Variants in WDR7 observed in about 807,000 individuals in gnomAD.
WDR7 encodes the protein WD repeat-containing protein 7.
WDR7 carries 46 observed loss-of-function variants against 169.4 expected under a neutral mutation model. The ratio of observed to expected loss-of-function variants is 0.27; its 90% CI spans 0.21 to 0.35. The LOEUF is 0.35. Ranked by LOEUF, WDR7 falls within the 10% of genes least tolerant of loss-of-function variation. WDR7 has a pLI of 1.00. For missense variants in WDR7, 1,534 were observed against 1,859.3 expected (o/e 0.83, Z 3.22); for synonymous variants, 612 against 666.8 (o/e 0.92, Z 1.27).
At chr18:56,901,669 A>G (rs1441081999) in intron 21 of WDR7, among the ~76,000 whole-genome samples, 5 of 152,054 alleles carry the variant, frequency 3.3e-5, no homozygotes, top group African/African-American at 4.8e-5. Context: ...TTTAACTTTT[A>G]TTTGCCTTTT....
intron 14 of WDR7, among the ~76,000 whole-genome samples, chr18:56,756,204 G>A (rs911560735): frequency 4.6e-5 from 7 of 152,158 alleles, no homozygotes; most frequent in Non-Finnish European, 1.0e-4. Flanking sequence ...CAGGAGCCAC[G>A]ATAAACGGAT....
chr18:56,928,850 C>T (rs945128669), intron 22 of WDR7, among the ~76,000 whole-genome samples: 2 of 152,226 alleles, frequency 1.3e-5, no homozygotes, highest in Admixed American at 6.5e-5. Context: ...TCAAACCCTA[C>T]TCTAGCTTAT....
chr18:56,929,541 GA>G (rs2046852782), intron 22 of WDR7, among the ~76,000 whole-genome samples: 5 of 152,172 alleles, frequency 3.3e-5, no homozygotes, highest in Non-Finnish European at 7.3e-5. Context: ...GGTTTAGACA[GA>G]TTAAACAACT....
chr18:56,913,589 C>CAA (rs2046582208), intron 21 of WDR7, among the ~76,000 whole-genome samples: 3 of 149,600 alleles, frequency 2.0e-5, no homozygotes, highest in African/African-American at 7.4e-5. Flanking sequence ...GAGTTTGAGA[C>CAA]CAGCCTGGGC....
At chr18:56,934,612 T>C (rs1393956577) in intron 22 of WDR7, among the ~76,000 whole-genome samples, 2 of 152,050 alleles carry the variant, frequency 1.3e-5, no homozygotes, top group African/African-American at 2.4e-5. Flanking sequence ...ATTTAAGCAG[T>C]GTAACAGTCA....
intron 16 of WDR7, among the ~76,000 whole-genome samples, chr18:56,762,668 G>T (rs1384771074): frequency 6.6e-6 from 1 of 151,880 alleles, no homozygotes; most frequent in Non-Finnish European, 1.5e-5. Flanking sequence ...CTTACCAGGG[G>T]TTTATCAATC....
rs563361385 is a variant in WDR7, at chr18:56,696,401, A to G, written c.1517A>G (p.His506Arg). The stretch of plus-strand genomic sequence containing the variant: ...GACATATTTTCTGGAGAAATGAAAC[A>G]TATCTTCTGTGTTCATGGTGGTGAG... The part of the protein sequence containing the change: ...IWDIFSGEMK[H>R]IFCVHGGEIT... The change falls in exon 12 of 28, where the codon CAT (histidine) becomes CGT (arginine). Residue 506 changes from histidine (H) to arginine (R), a missense_variant. Physicochemically the swap from His to Arg is conservative, Grantham distance 29 (BLOSUM62 0). Coordinates refer to ENST00000254442, the MANE Select transcript of WDR7 (RefSeq NM_015285.3). 4.9e-5 allele frequency: 79 copies of G among 1,614,166 alleles called. 3 individuals carry two copies. In the South Asian group the frequency reaches 8.3e-4, roughly 17 times the overall value.
Position 56,935,827 on chromosome 18 carries a change from G to C in WDR7, c.3753G>C (p.Ser1251=). The change falls in exon 23 of 28, where the codon TCG becomes TCC. Residue 1251 remains serine, a synonymous_variant. Coordinates refer to ENST00000254442, the MANE Select transcript of WDR7 (RefSeq NM_015285.3). The part of the protein sequence containing the change: ...MGLPLSPAAD[S]ARSARHALSL... ...TGCCTCTGAGCCCAGCAGCTGACTC[G>C]GCCCGCTCTGCGAGGCATGCCCTCT... 1 of 1,613,890 alleles carries C rather than the reference G, an allele frequency of 6.2e-7. No individual in the cohort carries two copies. The highest frequency in any genetic ancestry group is 8.5e-7 in the Non-Finnish European group (1 of 1,179,978).
intron 12 of WDR7, among the ~76,000 whole-genome samples, chr18:56,708,811 C>T (rs1325377065): frequency 6.6e-6 from 1 of 151,894 alleles, no homozygotes; most frequent in Non-Finnish European, 1.5e-5. Flanking sequence ...GTGGCATGTG[C>T]CTGTAATCCC....
intron 20 of WDR7, among the ~76,000 whole-genome samples, chr18:56,850,615 T>A (rs531305485): frequency 6.6e-6 from 1 of 152,280 alleles, no homozygotes; most frequent in Admixed American, 6.5e-5. Context: ...GTTCAAGCAA[T>A]CCTCTTGCCT....
At chr18:56,758,570 G>T (rs1056094935) in intron 15 of WDR7, among the ~76,000 whole-genome samples, 6 of 152,186 alleles carry the variant, frequency 3.9e-5, no homozygotes, top group African/African-American at 1.2e-4. Flanking sequence ...TGAAATCTCA[G>T]CATCTGAATA....
intron 5 of WDR7, among the ~76,000 whole-genome samples, chr18:56,684,086 A>AAGATG (rs1425094623): frequency 6.6e-6 from 1 of 151,296 alleles, no homozygotes; most frequent in Non-Finnish European, 1.5e-5. Context: ...TAGGATTTGG[A>AAGATG]AGATGAGAAA....
intron 21 of WDR7, among the ~76,000 whole-genome samples, chr18:56,913,837 C>T (rs898537569): frequency 6.6e-6 from 1 of 151,798 alleles, no homozygotes; most frequent in Non-Finnish European, 1.5e-5. Flanking sequence ...TATCACTACT[C>T]CATGACTCCT....
chr18:56,790,063 G>A (rs1243720576), intron 19 of WDR7, among the ~76,000 whole-genome samples: 2 of 152,166 alleles, frequency 1.3e-5, no homozygotes, highest in Non-Finnish European at 2.9e-5. Flanking sequence ...CTGATTTGCT[G>A]AAGAACAAAA....
At chr18:56,731,823 T>A (rs1450396745) in intron 14 of WDR7, among the ~76,000 whole-genome samples, 1 of 152,246 alleles carries the variant, frequency 6.6e-6, no homozygotes, top group Non-Finnish European at 1.5e-5. Flanking sequence ...TTCTTCCGAC[T>A]GAATTAAGTG....
At chr18:56,719,468 A>G (rs2026268486) in intron 13 of WDR7, among the ~76,000 whole-genome samples, 1 of 150,838 alleles carries the variant, frequency 6.6e-6, no homozygotes, top group African/African-American at 2.5e-5. Flanking sequence ...AGGCTGAGGC[A>G]GGAGAATGGC....
At chr18:56,806,198 TTG>T (rs1175716631) in intron 19 of WDR7, among the ~76,000 whole-genome samples, 3 of 152,218 alleles carry the variant, frequency 2.0e-5, no homozygotes, top group Non-Finnish European at 2.9e-5. Context: ...TGTAAAGTCC[TTG>T]TGTTTCCCTA....
chr18:56,968,192 A>C (rs1002086320), intron 26 of WDR7, among the ~76,000 whole-genome samples: 2 of 151,802 alleles, frequency 1.3e-5, no homozygotes, highest in African/African-American at 4.8e-5. Flanking sequence ...AAATAACTTT[A>C]CTATTGAAAA....
At chr18:56,941,418 C>A (rs539718724) in intron 25 of WDR7, among the ~76,000 whole-genome samples, 1 of 152,206 alleles carries the variant, frequency 6.6e-6, no homozygotes, top group East Asian at 1.9e-4. Context: ...GGAAGCTTCA[C>A]AGAAGAGTTG....
Sources: allele counts gnomAD v4.1 joint callset (sites outside exome capture counted in the v4.1 genomes callset), GRCh38; gene constraint gnomAD v4.1.1; transcripts MANE v1.5; gene names NCBI Gene and HGNC (gene_info 2026-07-23, HGNC 2026-07-21).